TRERF1: variants seen among roughly 807,000 people sequenced by gnomAD.
TRERF1 encodes transcriptional-regulating factor 1.
In TRERF1, 27 loss-of-function variants were observed where a neutral mutation model predicts 122.9. The ratio of observed to expected loss-of-function variants is 0.22; its 90% CI spans 0.16 to 0.30. The LOEUF is 0.30. Ranked by LOEUF, TRERF1 falls within the 10% of genes least tolerant of loss-of-function variation. The pLI, the probability that TRERF1 is intolerant of heterozygous loss-of-function variation, is 1.00. For synonymous variants in TRERF1, 636 were observed against 641.7 expected, an observed-to-expected ratio of 0.99 and a Z score of 0.13; for missense variants, 1,248 against 1,560.3, an observed-to-expected ratio of 0.80 and a Z score of 3.37.
intron 4 of TRERF1, among the ~76,000 whole-genome samples, chr6:42,294,701 T>C (rs185228009): frequency 1.7e-4 from 26 of 152,238 alleles, no homozygotes; most frequent in Admixed American, 3.9e-4. Context: ...ATACCCGCAA[T>C]AACCCTGGCA....
intron 8 of TRERF1, among the ~76,000 whole-genome samples, chr6:42,261,013 ACTACCCCCG>A (rs1777741967): frequency 6.6e-6 from 1 of 151,876 alleles, no homozygotes; most frequent in South Asian, 2.1e-4. Flanking sequence ...GAGGTTCCTA[ACTACCCCCG>A]CCCCCACCCC....
intron 2 of TRERF1, among the ~76,000 whole-genome samples, chr6:42,386,318 C>A (rs1024364038): frequency 1.9e-4 from 29 of 152,164 alleles, no homozygotes; most frequent in African/African-American, 7.0e-4. Context: ...GTGGCAGGTG[C>A]CTGTAGTCCC....
chr6:42,397,145 C>CTGTATTTTTACTGTGTTACTG (rs1357126962), intron 2 of TRERF1, among the ~76,000 whole-genome samples: 3 of 152,236 alleles, frequency 2.0e-5, no homozygotes, highest in Admixed American at 1.3e-4. Flanking sequence ...TAAAATTACA[C>CTGTATTTTTACTGTGTTACTG]TGTAACAGAG....
At chr6:42,441,540 C>T (rs1352466859) in intron 2 of TRERF1, among the ~76,000 whole-genome samples, 1 of 152,076 alleles carries the variant, frequency 6.6e-6, no homozygotes, top group African/African-American at 2.4e-5. Context: ...CAAGGCAAGG[C>T]AAGGGGGAAG....
intron 2 of TRERF1, among the ~76,000 whole-genome samples, chr6:42,375,003 C>CAA (rs55696342): frequency 0.027 from 2,362 of 87,422 alleles, 82 homozygotes; most frequent in African/African-American, 0.077. Context: ...AAGATTCTGT[C>CAA]AAAAAAAAAA....
chr6:42,408,295 A>G (rs1387280292), intron 2 of TRERF1, among the ~76,000 whole-genome samples: 1 of 109,786 alleles, frequency 9.1e-6, no homozygotes, highest in Non-Finnish European at 1.8e-5. Context: ...ATGTGTGTGT[A>G]TGTATATATA....
At chr6:42,265,661 A>G in intron 6 of TRERF1, 90 bp downstream of exon 6, 1 of 1,333,284 alleles carries the variant, frequency 7.5e-7, no homozygotes, top group South Asian at 1.3e-5. Flanking sequence ...TCTTTGAGGA[A>G]TGACTTGGAA....
At chr6:42,383,561 T>C (rs183813828) in intron 2 of TRERF1, among the ~76,000 whole-genome samples, 20 of 152,120 alleles carry the variant, frequency 1.3e-4, no homozygotes, top group African/African-American at 4.6e-4. Context: ...CCGACGAGCA[T>C]TGTAGGGGTG....
chr6:42,345,873 C>T (rs1484035886), intron 3 of TRERF1, among the ~76,000 whole-genome samples: 5 of 152,244 alleles, frequency 3.3e-5, no homozygotes, highest in Non-Finnish European at 5.9e-5. Context: ...ACTTACACAT[C>T]CCCTGTCACC....
intron 4 of TRERF1, among the ~76,000 whole-genome samples, chr6:42,280,411 G>A (rs768803067): frequency 3.9e-5 from 6 of 152,314 alleles, no homozygotes; most frequent in South Asian, 2.1e-4. Flanking sequence ...CAGCAAGTTC[G>A]TGCTCTGAGG....
chr6:42,254,594 G>T (rs978136545), intron 13 of TRERF1, among the ~76,000 whole-genome samples: 17 of 152,116 alleles, frequency 1.1e-4, no homozygotes, highest in African/African-American at 4.1e-4. Context: ...TCATGCACTC[G>T]TCTCCTTGCC....
intron 2 of TRERF1, among the ~76,000 whole-genome samples, chr6:42,381,443 C>A (rs1046915479): frequency 3.9e-5 from 6 of 151,916 alleles, no homozygotes; most frequent in Admixed American, 6.6e-5. Flanking sequence ...AAGCTCCATG[C>A]TGAATGAAAA....
intron 4 of TRERF1, among the ~76,000 whole-genome samples, chr6:42,297,214 C>A (rs1259232778): frequency 6.6e-6 from 1 of 152,140 alleles, no homozygotes; most frequent in Non-Finnish European, 1.5e-5. Flanking sequence ...ATACTTTTGG[C>A]AATATGGCAG....
chr6:42,382,973 C>A (rs997250668), intron 2 of TRERF1, among the ~76,000 whole-genome samples: 5 of 152,178 alleles, frequency 3.3e-5, no homozygotes, highest in African/African-American at 1.2e-4. Flanking sequence ...AGTTGAGAAC[C>A]ACTGCTTTGT....
At chr6:42,336,389 G>T (rs1766179402) in intron 3 of TRERF1, among the ~76,000 whole-genome samples, 1 of 152,032 alleles carries the variant, frequency 6.6e-6, no homozygotes, top group Non-Finnish European at 1.5e-5. Context: ...TTCCCTGGAG[G>T]AGCTCCTTGC....
chr6:42,228,695 T>C lies in TRERF1; in HGVS notation c.3279-26A>G. Reference sequence around the variant, plus strand: ...CTAAAAATAAAGAAAGAGAGGTGTGTAGAATTTAGAAGGAGATCTGAGTTC... The same window carrying C: ...CTAAAAATAAAGAAAGAGAGGTGTGCAGAATTTAGAAGGAGATCTGAGTTC... On this transcript the variant is annotated intron_variant, in intron 17 of 17. Coordinates refer to ENST00000372922, the Ensembl canonical transcript of TRERF1. This position sits in a 1 kb window ranked among gnomAD's most constrained non-coding sequence, Gnocchi z 4.2. The C allele has an allele frequency of 6.4e-7, 1 of 1,557,004 alleles. No homozygotes were observed. The highest frequency in any genetic ancestry group is 1.4e-5 in the African/African-American group (1 of 72,824).
chr6:42,254,018 A>C (rs946805455), intron 13 of TRERF1, among the ~76,000 whole-genome samples: 24 of 152,246 alleles, frequency 1.6e-4, no homozygotes, highest in Non-Finnish European at 2.5e-4. Context: ...CAGTTAGTGC[A>C]TGGAAATGAA....
At chr6:42,308,878 C>A (rs1398233992) in intron 3 of TRERF1, among the ~76,000 whole-genome samples, 4 of 152,048 alleles carry the variant, frequency 2.6e-5, no homozygotes, top group Non-Finnish European at 5.9e-5. Context: ...GTATAACAAA[C>A]TCCCATGACA....
chr6:42,374,674 C>T (rs975792109), intron 2 of TRERF1, among the ~76,000 whole-genome samples: 5 of 152,144 alleles, frequency 3.3e-5, no homozygotes, highest in African/African-American at 1.2e-4. Flanking sequence ...CACCCCCTAC[C>T]ATCTCCTCAG....
Sources: allele counts gnomAD v4.1 joint callset (sites outside exome capture counted in the v4.1 genomes callset), GRCh38; gene constraint gnomAD v4.1.1; non-coding constraint Gnocchi (gnomAD v3.1); transcripts MANE v1.5; gene names NCBI Gene and HGNC (gene_info 2026-07-23, HGNC 2026-07-21).